Variants in CPNE8 observed in about 807,000 individuals in gnomAD.
CPNE8 encodes copine-8.
CPNE8 carries 45 observed loss-of-function variants against 81.5 expected under a neutral mutation model. The ratio of observed to expected loss-of-function variants is 0.55; its 90% CI spans 0.44 to 0.71. CPNE8 has a LOEUF of 0.71. Among genes scored for constraint, CPNE8 ranks in the 30% least tolerant of loss-of-function variants. CPNE8 has a pLI of 0.00. For missense variants in CPNE8, 594 were observed against 672.1 expected, an observed-to-expected ratio of 0.88 and a Z score of 1.28; for synonymous variants, 252 against 226.3, an observed-to-expected ratio of 1.11 and a Z score of -1.02.
intron 13 of CPNE8, among the ~76,000 whole-genome samples, 155 bp downstream of exon 13, chr12:38,723,617 C>T (rs866882031): frequency 3.3e-5 from 5 of 152,248 alleles, no homozygotes; most frequent in Middle Eastern, 3.4e-3. Context: ...TAGGTATGTA[C>T]GTTTTTTCTT....
At chr12:38,781,863 A>G (rs140390727) in intron 6 of CPNE8, among the ~76,000 whole-genome samples, 68 of 152,260 alleles carry the variant, frequency 4.5e-4, no homozygotes, top group African/African-American at 1.6e-3. Context: ...ATGCAAATTT[A>G]GGGACATTCT....
chr12:38,847,315 GA>G (rs1943575594), intron 4 of CPNE8, among the ~76,000 whole-genome samples: 1 of 152,066 alleles, frequency 6.6e-6, no homozygotes, highest in Non-Finnish European at 1.5e-5. Flanking sequence ...GATTAAGCAG[GA>G]AAAATTAAGA....
At position 38,670,749 on chromosome 12, in the gene CPNE8, C is replaced by T; in HGVS notation, c.1486G>A (p.Ala496Thr). 6.2e-7 allele frequency: 1 copy of T among 1,608,336 alleles called. No individual in the cohort carries two copies. Among genetic ancestry groups the T allele is most frequent in the African/African-American group, 1.3e-5 (1 of 74,840 alleles). Residue 496 changes from alanine (A) to threonine (T), a missense_variant, in exon 19 of 20, where the codon GCT becomes ACT. Coordinates refer to ENST00000331366, the MANE Select transcript of CPNE8 (RefSeq NM_153634.3). The stretch of plus-strand genomic sequence containing the variant: ...CTTACCTGCACAATGTCTCTTTCAG[C>T]ATATTTTCCTCTAGAGGAGACTCTT... ...DVRVSSRGKY[A>T]ERDIVQFVPF...
intron 4 of CPNE8, among the ~76,000 whole-genome samples, chr12:38,844,241 T>A (rs1943517947): frequency 6.6e-6 from 1 of 152,174 alleles, no homozygotes; most frequent in African/African-American, 2.4e-5. Context: ...CCAATCTGAA[T>A]GGAAAAACGA....
At chr12:38,693,591 C>A in intron 15 of CPNE8, 66 bp downstream of exon 15, 1 of 1,377,152 alleles carries the variant, frequency 7.3e-7, no homozygotes, top group Non-Finnish European at 1.0e-6. Context: ...GAATAAGTAC[C>A]AAAGCAATAT....
intron 18 of CPNE8, among the ~76,000 whole-genome samples, chr12:38,672,311 A>C (rs1218658363): frequency 6.6e-6 from 1 of 152,228 alleles, no homozygotes; most frequent in African/African-American, 2.4e-5. Context: ...ATACTGTATT[A>C]GCATGAAGTC....
intron 3 of CPNE8, among the ~76,000 whole-genome samples, chr12:38,851,078 T>G (rs547813019): frequency 6.6e-6 from 1 of 152,340 alleles, no homozygotes; most frequent in African/African-American, 2.4e-5. Context: ...CCTCACCAGA[T>G]GCCAGCGCCT....
intron 3 of CPNE8, among the ~76,000 whole-genome samples, chr12:38,863,860 G>A (rs1943876180): frequency 6.6e-6 from 1 of 152,084 alleles, no homozygotes; most frequent in East Asian, 1.9e-4. Flanking sequence ...GACCATCCTG[G>A]CTAACACGGT....
chr12:38,763,534 C>CTA (rs1302010312), intron 8 of CPNE8, among the ~76,000 whole-genome samples: 1 of 152,120 alleles, frequency 6.6e-6, no homozygotes, highest in Admixed American at 6.5e-5. Flanking sequence ...ACTATTGGTT[C>CTA]TATATATCTA....
At chr12:38,673,294 A>G (rs987329626) in intron 18 of CPNE8, among the ~76,000 whole-genome samples, 2 of 152,056 alleles carry the variant, frequency 1.3e-5, no homozygotes, top group Admixed American at 6.6e-5. Flanking sequence ...ACCCAGTCTC[A>G]TTTCTTTATA....
chr12:38,762,965 C>T (rs826848), intron 8 of CPNE8, among the ~76,000 whole-genome samples: 130,560 of 152,166 alleles, frequency 0.86, 56,982 homozygotes, highest in Middle Eastern at 0.94. Context: ...TTCATGCAAT[C>T]CTCCTGCCTC....
At position 38,876,218 on chromosome 12, in the gene CPNE8, A is replaced by G. The variant is rs143789764; in HGVS notation, c.99-1707T>C. Reference sequence around the variant, plus strand: ...TCTATAAACAATAGGACAGATGAGTATTCTTTTTTTTTGAGACGAACTTTC... The same window carrying G: ...TCTATAAACAATAGGACAGATGAGTGTTCTTTTTTTTTGAGACGAACTTTC... On this transcript the variant is annotated intron_variant, in intron 1 of 19. Transcript: ENST00000331366. Among the ~76,000 whole-genome samples, 181 of 152,204 alleles carry G rather than the reference A, an allele frequency of 1.2e-3. No homozygotes were observed. In the East Asian group the frequency reaches 0.029, roughly 25 times the overall value.
intron 13 of CPNE8, among the ~76,000 whole-genome samples, chr12:38,714,427 A>C (rs1940338523): frequency 6.6e-6 from 1 of 152,062 alleles, no homozygotes; most frequent in East Asian, 1.9e-4. Flanking sequence ...AAAGACAAAT[A>C]AAATAACTAC....
intron 19 of CPNE8, among the ~76,000 whole-genome samples, chr12:38,655,910 G>C (rs1388909740): frequency 1.3e-5 from 2 of 151,328 alleles, no homozygotes; most frequent in Admixed American, 1.3e-4. Context: ...TTAGAAATAG[G>C]TATTTAAAAG....
chr12:38,769,320 G>C (rs960864216), intron 7 of CPNE8, among the ~76,000 whole-genome samples: 2 of 152,114 alleles, frequency 1.3e-5, no homozygotes, highest in East Asian at 1.9e-4. Context: ...TGACAATAGA[G>C]GTAAGGACAA....
chr12:38,884,091 T>C (rs1358133988), intron 1 of CPNE8, among the ~76,000 whole-genome samples: 1 of 152,184 alleles, frequency 6.6e-6, no homozygotes, highest in East Asian at 1.9e-4. Flanking sequence ...CAGTGGTTGA[T>C]AGTATATTCA....
At chr12:38,825,428 T>C (rs1490920049) in intron 6 of CPNE8, among the ~76,000 whole-genome samples, 2 of 152,136 alleles carry the variant, frequency 1.3e-5, no homozygotes, top group Non-Finnish European at 2.9e-5. Flanking sequence ...AGGATGAATG[T>C]GGAATTTAGG....
chr12:38,797,651 T>C (rs1367410597), intron 6 of CPNE8, among the ~76,000 whole-genome samples: 1 of 152,004 alleles, frequency 6.6e-6, no homozygotes, highest in East Asian at 1.9e-4. Context: ...CCTCTCCTCC[T>C]CCAAAGGAAC....
chr12:38,848,778 G>T (rs534111230), intron 3 of CPNE8, 116 bp from the exon 4 acceptor site: 152 of 1,297,526 alleles, frequency 1.2e-4, no homozygotes, highest in Admixed American at 1.0e-3. Flanking sequence ...CCAAATAATA[G>T]AAATTTTTTA....
Sources: gnomAD v4.1 joint callset for allele counts (sites outside exome capture counted in the v4.1 genomes callset) on GRCh38, gnomAD v4.1.1 for gene constraint, MANE v1.5 for transcripts, NCBI Gene and HGNC (gene_info 2026-07-23, HGNC 2026-07-21) for gene names.